The following CCSER1 variants were observed in gnomAD, a reference collection of about 807,000 sequenced individuals.
The protein encoded by CCSER1 is serine-rich coiled-coil domain-containing protein 1.
In CCSER1, 41 loss-of-function variants were observed where a neutral mutation model predicts 82.0. The ratio of observed to expected loss-of-function variants is 0.50; its 90% CI spans 0.39 to 0.65. The LOEUF is 0.65. CCSER1 is among the 30% of genes least tolerant of loss of function. CCSER1 has a pLI of 0.00. For missense variants in CCSER1, 1,119 were observed against 1,064.2 expected, an observed-to-expected ratio of 1.05 and a Z score of -0.72; for synonymous variants, 414 against 383.9, an observed-to-expected ratio of 1.08 and a Z score of -0.92.
At chr4:90,191,757 C>T (rs1735673930) in intron 1 of CCSER1, among the ~76,000 whole-genome samples, 1 of 152,044 alleles carries the variant, frequency 6.6e-6, no homozygotes, top group Admixed American at 6.6e-5. Context: ...AACAGTTCTT[C>T]ACAATAATCC....
rs530250350 is a variant in CCSER1 at position 91,503,341 on chromosome 4, C to CA, written c.2218-95217dup. ...TGGGAGAAAGAGCGATACTCCATCT[C>CA]AAAAAAAAAAAAAAGAAAAAAAGAA... On this transcript the variant is annotated intron_variant, in intron 10 of 10. Coordinates refer to ENST00000509176, the MANE Select transcript of CCSER1 (RefSeq NM_001145065.2). Among the ~76,000 whole-genome samples, 346 of 79,306 alleles carry CA rather than the reference C, an allele frequency of 4.4e-3. 1 individual carries two copies. Among genetic ancestry groups the CA allele is most frequent in the South Asian group, 0.012 (33 of 2,666 alleles). The allele number at this position is 79,306 out of a possible 152,430, so 52.0% of individuals were successfully genotyped here. A position where few individuals can be genotyped will look rare whatever the true frequency, so the allele number is the denominator to read the frequency against.
intron 10 of CCSER1, among the ~76,000 whole-genome samples, chr4:91,297,507 A>G (rs1744311427): frequency 6.6e-6 from 1 of 151,688 alleles, no homozygotes; most frequent in African/African-American, 2.4e-5. Flanking sequence ...ATGAAGTAAA[A>G]GATTTAGATT....
At chr4:91,090,528 T>A (rs1483984521) in intron 10 of CCSER1, among the ~76,000 whole-genome samples, 1 of 152,214 alleles carries the variant, frequency 6.6e-6, no homozygotes, top group African/African-American at 2.4e-5. Flanking sequence ...TTTCCTTCTC[T>A]AGCTATGCAA....
chr4:91,315,987 G>A (rs552334042), intron 10 of CCSER1, among the ~76,000 whole-genome samples: 2 of 152,036 alleles, frequency 1.3e-5, no homozygotes, highest in Admixed American at 6.6e-5. Context: ...TAATCATAAG[G>A]GTGGGTTTTT....
intron 1 of CCSER1, among the ~76,000 whole-genome samples, chr4:90,304,486 A>C (rs1020238639): frequency 2.0e-5 from 3 of 152,246 alleles, no homozygotes; most frequent in African/African-American, 4.8e-5. Flanking sequence ...TGATGAGTTC[A>C]TGTCCTTTGT....
chr4:91,261,049 C>T (rs911709191), intron 10 of CCSER1, among the ~76,000 whole-genome samples: 1 of 152,180 alleles, frequency 6.6e-6, no homozygotes, highest in African/African-American at 2.4e-5. Context: ...AGGCGTGGGC[C>T]ACCACGCCCG....
At chr4:91,009,165 C>G (rs1352159279) in intron 9 of CCSER1, among the ~76,000 whole-genome samples, 1 of 152,118 alleles carries the variant, frequency 6.6e-6, no homozygotes, top group Non-Finnish European at 1.5e-5. Context: ...AAGACAAAAG[C>G]TCAGCTCCAG....
intron 4 of CCSER1, among the ~76,000 whole-genome samples, chr4:90,406,951 G>A (rs1470133268): frequency 6.6e-6 from 1 of 152,014 alleles, no homozygotes; most frequent in African/African-American, 2.4e-5. Context: ...CACGGAACTG[G>A]AGAAACAAGA....
At chr4:90,748,048 T>TTA (rs1554004196) in intron 7 of CCSER1, among the ~76,000 whole-genome samples, 4 of 145,900 alleles carry the variant, frequency 2.7e-5, no homozygotes, top group Admixed American at 2.7e-4. Flanking sequence ...CTTTTTTTTT[T>TTA]ATTATACTTT....
At chr4:91,166,913 A>G (rs759916982) in intron 10 of CCSER1, among the ~76,000 whole-genome samples, 30 of 152,144 alleles carry the variant, frequency 2.0e-4, no homozygotes, top group Non-Finnish European at 3.7e-4. Flanking sequence ...TAGAATTTAC[A>G]AAGATAAGCT....
intron 3 of CCSER1, among the ~76,000 whole-genome samples, chr4:90,373,018 T>A (rs1747710253): frequency 6.6e-6 from 1 of 152,074 alleles, no homozygotes; most frequent in East Asian, 1.9e-4. Flanking sequence ...GTCACACTAC[T>A]ATTCAAGCAT....
intron 3 of CCSER1, among the ~76,000 whole-genome samples, chr4:90,393,590 T>G (rs1751511371): frequency 6.6e-6 from 1 of 152,142 alleles, no homozygotes; most frequent in African/African-American, 2.4e-5. Flanking sequence ...ATATTGCCCT[T>G]AGATATTTTA....
At chr4:90,254,130 C>A (rs1722846304) in intron 1 of CCSER1, among the ~76,000 whole-genome samples, 1 of 152,150 alleles carries the variant, frequency 6.6e-6, no homozygotes, top group African/African-American at 2.4e-5. Flanking sequence ...CTATCTGTCT[C>A]CTCTTAAATT....
chr4:90,465,803 TTA>T (rs1466309395), intron 4 of CCSER1, among the ~76,000 whole-genome samples: 1 of 152,178 alleles, frequency 6.6e-6, no homozygotes, highest in Non-Finnish European at 1.5e-5. Context: ...AGTTTGTACT[TTA>T]TACAATTACT....
intron 10 of CCSER1, among the ~76,000 whole-genome samples, chr4:91,582,723 ATCTG>A (rs747920744): frequency 2.0e-5 from 3 of 151,364 alleles, no homozygotes; most frequent in Non-Finnish European, 3.0e-5. Flanking sequence ...TCTATCTTTT[ATCTG>A]TCTATCAATC....
intron 10 of CCSER1, among the ~76,000 whole-genome samples, chr4:91,392,202 C>A: frequency 6.6e-6 from 1 of 151,936 alleles, no homozygotes; most frequent in East Asian, 1.9e-4. Flanking sequence ...AAAGATATCT[C>A]TTGAAAAATA....
chr4:90,628,004 T>TC (rs1560839552), intron 5 of CCSER1, 21 bp from the exon 6 acceptor site: 3 of 1,534,026 alleles, frequency 2.0e-6, no homozygotes, highest in Non-Finnish European at 2.6e-6. Context: ...TAATTTTTGT[T>TC]CTTTTTTTTT....
intron 10 of CCSER1, among the ~76,000 whole-genome samples, chr4:91,376,578 C>A (rs1035083686): frequency 2.0e-5 from 3 of 152,004 alleles, no homozygotes; most frequent in East Asian, 1.9e-4. Context: ...ACAAGCATCA[C>A]CACTATCAGA....
chr4:91,161,730 G>C (rs555526019), intron 10 of CCSER1, among the ~76,000 whole-genome samples: 6 of 151,950 alleles, frequency 3.9e-5, no homozygotes, highest in African/African-American at 1.4e-4. Flanking sequence ...GTAGGAATGC[G>C]TGTGATTTTT....
Sources: allele counts gnomAD v4.1 joint callset (sites outside exome capture counted in the v4.1 genomes callset), GRCh38; gene constraint gnomAD v4.1.1; transcripts MANE v1.5; gene names NCBI Gene and HGNC (gene_info 2026-07-23, HGNC 2026-07-21).